Variants in LDLRAD4 observed in about 807,000 individuals in gnomAD.
LDLRAD4 encodes the protein low density lipoprotein receptor class A domain containing 4, also known as low-density lipoprotein receptor class A domain-containing protein 4.
In LDLRAD4, 5 loss-of-function variants were observed where a neutral mutation model predicts 17.0. The ratio of observed to expected loss-of-function variants is 0.29; its 90% CI spans 0.15 to 0.62. The LOEUF (loss-of-function observed/expected upper bound fraction) is 0.62. Among genes scored for constraint, LDLRAD4 ranks in the 20% least tolerant of loss-of-function variants. LDLRAD4 has a pLI of 0.84. For missense variants in LDLRAD4, 340 were observed against 424.7 expected (o/e 0.80, Z 1.75); for synonymous variants, 168 against 171.8 (o/e 0.98, Z 0.17).
At chr18:13,467,504 A>G (rs1405380489) in intron 3 of LDLRAD4, among the ~76,000 whole-genome samples, 1 of 152,262 alleles carries the variant, frequency 6.6e-6, no homozygotes, top group Admixed American at 6.5e-5. Flanking sequence ...AGAATACCTA[A>G]TTAAATGGAA....
At chr18:13,505,585 C>T (rs1174540178) in intron 3 of LDLRAD4, among the ~76,000 whole-genome samples, 6 of 152,058 alleles carry the variant, frequency 3.9e-5, no homozygotes, top group Non-Finnish European at 5.9e-5. Context: ...TTTGGGAGGC[C>T]GAGGCGGGCG....
chr18:13,252,524 C>T (rs922033690), intron 1 of LDLRAD4, among the ~76,000 whole-genome samples: 9 of 152,218 alleles, frequency 5.9e-5, no homozygotes, highest in African/African-American at 1.9e-4. Context: ...AGATGACTGA[C>T]CTCAGGCAGC....
At chr18:13,281,866 C>T (rs4797757) in intron 1 of LDLRAD4, among the ~76,000 whole-genome samples, 127,863 of 152,148 alleles carry the variant, frequency 0.84, 54,031 homozygotes, top group Non-Finnish European at 0.88. Context: ...TCTTCAACTT[C>T]AGGGTTGTAT....
At chr18:13,337,714 T>G (rs565113493) in intron 1 of LDLRAD4, among the ~76,000 whole-genome samples, 7 of 133,736 alleles carry the variant, frequency 5.2e-5, no homozygotes, top group African/African-American at 1.7e-4. Context: ...CTGGTCAACA[T>G]AGCAAAACCT....
chr18:13,547,996 A>C (rs1366395001), intron 3 of LDLRAD4, among the ~76,000 whole-genome samples: 1 of 152,164 alleles, frequency 6.6e-6, no homozygotes, highest in Non-Finnish European at 1.5e-5. Context: ...GAGGGTGAGC[A>C]AGTCAAAGAG....
At chr18:13,318,178 C>T (rs1007538674) in intron 1 of LDLRAD4, among the ~76,000 whole-genome samples, 8 of 152,170 alleles carry the variant, frequency 5.3e-5, no homozygotes, top group Non-Finnish European at 1.0e-4. Flanking sequence ...CTGGAGCTTC[C>T]GGCTTTCCCT....
chr18:13,604,422 A>T (rs2095199463), intron 3 of LDLRAD4, among the ~76,000 whole-genome samples: 1 of 152,220 alleles, frequency 6.6e-6, no homozygotes, highest in African/African-American at 2.4e-5. Flanking sequence ...TATGTGTGCC[A>T]TATACTGCGT....
At chr18:13,250,561 A>T (rs1023730407) in intron 1 of LDLRAD4, among the ~76,000 whole-genome samples, 3 of 152,234 alleles carry the variant, frequency 2.0e-5, no homozygotes, top group Non-Finnish European at 4.4e-5. Flanking sequence ...ATCACAATGG[A>T]TACCAGAGAA....
intron 1 of LDLRAD4, among the ~76,000 whole-genome samples, chr18:13,330,102 C>T (rs531881656): frequency 1.4e-4 from 21 of 152,108 alleles, no homozygotes; most frequent in African/African-American, 4.8e-4. Context: ...ACTACAGGCG[C>T]CTGCCACCAC....
At chr18:13,533,881 A>C (rs2094165156) in intron 3 of LDLRAD4, among the ~76,000 whole-genome samples, 2 of 152,184 alleles carry the variant, frequency 1.3e-5, no homozygotes, top group African/African-American at 4.8e-5. Flanking sequence ...CAGCTCTCCT[A>C]CTTGACAAAA....
At chr18:13,551,894 G>A (rs998411757) in intron 3 of LDLRAD4, among the ~76,000 whole-genome samples, 12 of 152,120 alleles carry the variant, frequency 7.9e-5, no homozygotes, top group African/African-American at 2.9e-4. Flanking sequence ...TGTTTCTGGG[G>A]AGGCCTCAGG....
intron 3 of LDLRAD4, chr18:13,564,950 C>T (rs2094582210): frequency 6.6e-6 from 1 of 152,334 alleles, no homozygotes; most frequent in Non-Finnish European, 1.5e-5. Flanking sequence ...GAGGCTCAGC[C>T]AGCAGGAATT....
chr18:13,422,770 A>C (rs1020167429), intron 2 of LDLRAD4, among the ~76,000 whole-genome samples: 1 of 152,346 alleles, frequency 6.6e-6, no homozygotes, highest in African/African-American at 2.4e-5. Flanking sequence ...ATCTCTCTGC[A>C]TATCTCCAGC....
At chr18:13,629,806 T>A (rs2041502688) in intron 4 of LDLRAD4, among the ~76,000 whole-genome samples, 1 of 152,066 alleles carries the variant, frequency 6.6e-6, no homozygotes, top group East Asian at 1.9e-4. Flanking sequence ...AGATTAAAAA[T>A]TATCTTAATG....
At chr18:13,279,233 G>A (rs1194509988) in intron 1 of LDLRAD4, among the ~76,000 whole-genome samples, 2 of 152,238 alleles carry the variant, frequency 1.3e-5, no homozygotes, top group South Asian at 4.1e-4. Context: ...CTGACTAAAT[G>A]CTTGTTATTC....
chr18:13,563,942 C>G (rs377599254), intron 3 of LDLRAD4, among the ~76,000 whole-genome samples: 7,735 of 152,244 alleles, frequency 0.051, 253 homozygotes, highest in Middle Eastern at 0.14. Context: ...CTCTCTCTCT[C>G]TCACCTAAAC....
intron 1 of LDLRAD4, among the ~76,000 whole-genome samples, chr18:13,297,049 G>C (rs994617940): frequency 6.6e-6 from 1 of 152,348 alleles, no homozygotes; most frequent in Non-Finnish European, 1.5e-5. Context: ...GCGGGAGATG[G>C]TGTTCATGAG....
intron 1 of LDLRAD4, among the ~76,000 whole-genome samples, chr18:13,349,555 G>A (rs1599596374): frequency 6.6e-6 from 1 of 152,146 alleles, no homozygotes; most frequent in South Asian, 2.1e-4. Context: ...TGTAGGGTAG[G>A]TTTAGTGGTA....
At chr18:13,414,213 G>T (rs1478818637) in intron 2 of LDLRAD4, among the ~76,000 whole-genome samples, 1 of 152,232 alleles carries the variant, frequency 6.6e-6, no homozygotes, top group Admixed American at 6.5e-5. Flanking sequence ...ACAGCAGGTG[G>T]GCCTTGGGGC....
Sources: gnomAD v4.1 joint callset for allele counts (sites outside exome capture counted in the v4.1 genomes callset) on GRCh38, gnomAD v4.1.1 for gene constraint, MANE v1.5 for transcripts, NCBI Gene and HGNC (gene_info 2026-07-23, HGNC 2026-07-21) for gene names.